GSDME: variants seen among roughly 807,000 people sequenced by gnomAD.
The protein encoded by GSDME is gasdermin-E.
Under a neutral mutation model 47.5 loss-of-function variants are expected in GSDME, and 44 were observed. The ratio of observed to expected loss-of-function variants is 0.93; its 90% CI spans 0.73 to 1.19. GSDME has a LOEUF of 1.19. Ranked by LOEUF, GSDME falls within the 50% of genes most tolerant of loss-of-function variation. The probability of loss-of-function intolerance (pLI) is 0.00; values close to 1 mark genes in which losing one functional copy is unlikely to be tolerated. For missense variants in GSDME, 663 were observed against 604.2 expected (o/e 1.10, Z -1.02); for synonymous variants, 258 against 252.8 (o/e 1.02, Z -0.20).
chr7:24,736,991 C>T lies in GSDME; in HGVS notation c.404+7571G>A, dbSNP rs1790326921. Among the ~76,000 whole-genome samples the T allele has an allele frequency of 1.3e-5, 2 of 151,966 alleles. No homozygotes were observed. Among genetic ancestry groups the T allele is most frequent in the South Asian group, 2.1e-4 (1 of 4,830 alleles). ...GATAACAGAAACACAACAGCAAAAC[C>T]TATGGGGTACATCAAAAGCAGTACT... On this transcript the variant is annotated intron_variant, in intron 3 of 9. Coordinates refer to ENST00000645220, the MANE Select transcript of GSDME (RefSeq NM_001127453.2). The surrounding 1 kb of genome is among the most constrained non-coding windows in gnomAD (Gnocchi z 4.6).
chr7:24,778,136 C>T, the GSDME span, among the ~76,000 whole-genome samples: 20 of 151,172 alleles, frequency 1.3e-4, no homozygotes, highest in Admixed American at 7.3e-4. The surrounding 1 kb of genome is among the most constrained non-coding windows in gnomAD (Gnocchi z 5.6). Flanking sequence ...TCTGTAGTGG[C>T]GTTAGAATGG....
intron 9 of GSDME, among the ~76,000 whole-genome samples, chr7:24,700,511 A>C (rs189912726): frequency 6.6e-6 from 1 of 152,336 alleles, no homozygotes. Context: ...TCTGAAGGGA[A>C]TCCAAAAGAA....
At chr7:24,752,994 T>G (rs1369191971) in intron 1 of GSDME, among the ~76,000 whole-genome samples, 2 of 144,964 alleles carry the variant, frequency 1.4e-5, no homozygotes, top group Non-Finnish European at 1.5e-5. Flanking sequence ...TTTTTCATGT[T>G]TTTTTTTTTT....
rs545925391 is a variant in GSDME at position 24,757,213 on chromosome 7, C to A, written c.-20+183G>T. ...AGGCGAGGGGAGCGACGGGACCTGCCGTTCCGGCGGCCGGGCAGCCAATCG... is the reference window on the plus strand; with the variant it reads ...AGGCGAGGGGAGCGACGGGACCTGCAGTTCCGGCGGCCGGGCAGCCAATCG... On this transcript the variant is annotated intron_variant, in intron 1 of 9. Coordinates refer to ENST00000645220, the MANE Select transcript of GSDME (RefSeq NM_001127453.2). This position sits in a 1 kb window ranked among gnomAD's most constrained non-coding sequence, Gnocchi z 5.9. Among the ~76,000 whole-genome samples the A allele has an allele frequency of 1.3e-5, 2 of 151,690 alleles. No individual in the cohort carries two copies. The highest frequency in any genetic ancestry group is 2.4e-5 in the African/African-American group (1 of 41,308).
intron 3 of GSDME, among the ~76,000 whole-genome samples, chr7:24,729,260 T>C (rs1230213812): frequency 1.3e-5 from 2 of 152,220 alleles, no homozygotes; most frequent in Admixed American, 6.5e-5. Context: ...TGCATAGAAG[T>C]TGGATCGGAA....
the GSDME span, among the ~76,000 whole-genome samples, chr7:24,763,170 G>A: frequency 3.3e-5 from 5 of 151,970 alleles, no homozygotes; most frequent in African/African-American, 4.8e-5. This position sits in a 1 kb window ranked among gnomAD's most constrained non-coding sequence, Gnocchi z 4.3. Flanking sequence ...ATCACATAGC[G>A]GCCATAACAT....
the GSDME span, among the ~76,000 whole-genome samples, chr7:24,775,697 A>T: frequency 1.3e-5 from 2 of 151,922 alleles, no homozygotes; most frequent in Admixed American, 1.3e-4. Context: ...CAACATGGTG[A>T]AACCCCGTCT....
the GSDME span, among the ~76,000 whole-genome samples, chr7:24,794,255 C>A: frequency 6.6e-6 from 1 of 150,910 alleles, no homozygotes; most frequent in South Asian, 2.1e-4. Flanking sequence ...TCTCTCTTTG[C>A]CTCTTTTCTT....
chr7:24,785,217 C>T, the GSDME span, among the ~76,000 whole-genome samples: 1 of 152,276 alleles, frequency 6.6e-6, no homozygotes, highest in South Asian at 2.1e-4. Context: ...TTCAGTGTAA[C>T]AGAGACCATG....
rs749383527 is a variant in GSDME, at chr7:24,744,645, G to A, written c.321C>T (p.Ser107=). 5.0e-6 allele frequency: 8 copies of A among 1,614,074 alleles called. No individual in the cohort carries two copies. Among genetic ancestry groups the A allele is most frequent in the South Asian group, 1.1e-5 (1 of 91,088 alleles). Residue 107 remains serine, a synonymous_variant, in exon 3 of 10, where the codon AGC becomes AGT. Coordinates refer to ENST00000645220, the MANE Select transcript of GSDME (RefSeq NM_001127453.2). The surrounding 1 kb of genome is among the most constrained non-coding windows in gnomAD (Gnocchi z 4.5). ...GKVKLNLGGS[S]RVESQSSFGT... is the part of the protein sequence containing the mutation. ...CAAATGAAGACTGGCTCTCTACGCG[G>A]CTGCTGCCCCCCAGGTTCAGCTTGA...
intron 2 of GSDME, among the ~76,000 whole-genome samples, chr7:24,748,162 A>ATTT (rs1237163749): frequency 5.1e-5 from 5 of 97,820 alleles, no homozygotes; most frequent in African/African-American, 3.1e-4. Context: ...ATATATATAT[A>ATTT]TATATATTTT....
At chr7:24,730,183 A>G (rs1461098288) in intron 3 of GSDME, among the ~76,000 whole-genome samples, 1 of 152,236 alleles carries the variant, frequency 6.6e-6, no homozygotes, top group Non-Finnish European at 1.5e-5. Context: ...GAACAGCCCA[A>G]GTGGAACAAA....
intron 9 of GSDME, 135 bp from the exon 10 acceptor site, chr7:24,699,394 G>A: frequency 1.4e-6 from 1 of 700,564 alleles, no homozygotes; most frequent in Non-Finnish European, 2.6e-6. Flanking sequence ...CCAGGCTGGA[G>A]TGCAGTGGCG....
rs1301439258 is a variant in GSDME, at chr7:24,698,800, T to C, written c.*226A>G. ...TCCCAGCTCTTTACATGCTGGAACCTAACTCAGATGCTGGGTCACCAGCAC... is the reference window on the plus strand; with the variant it reads ...TCCCAGCTCTTTACATGCTGGAACCCAACTCAGATGCTGGGTCACCAGCAC... On this transcript the variant is annotated 3_prime_UTR_variant, in exon 10 of 10. Transcript: ENST00000645220. 1.8e-6 allele frequency: 1 copy of C among 569,614 alleles called. No individual in the cohort carries two copies. The highest frequency in any genetic ancestry group is 2.9e-5 in the Admixed American group (1 of 34,642). 35.3% of individuals were successfully genotyped at this position (569,614 alleles called of 1,614,324 possible). A position where few individuals can be genotyped will look rare whatever the true frequency, so the allele number is the denominator to read the frequency against.
chr7:24,769,163 T>C, the GSDME span, among the ~76,000 whole-genome samples: 1 of 152,310 alleles, frequency 6.6e-6, no homozygotes, highest in East Asian at 1.9e-4. Context: ...AGAAAAACCA[T>C]TGTCTTGGAG....
rs982183746 is a variant in GSDME at position 24,744,338 on chromosome 7, T to A, written c.404+224A>T. On this transcript the variant is annotated intron_variant, in intron 3 of 9. Transcript: ENST00000645220. This position sits in a 1 kb window ranked among gnomAD's most constrained non-coding sequence, Gnocchi z 4.5. ...AAGTACATATTTGCCTGAAGTAACATCCTTTGAAAGTGCTTCCCAAGTCTC... is the reference window on the plus strand; with the variant it reads ...AAGTACATATTTGCCTGAAGTAACAACCTTTGAAAGTGCTTCCCAAGTCTC... The A allele has an allele frequency of 4.9e-5, 29 of 588,140 alleles. No individual in the cohort carries two copies. In the African/African-American group the frequency reaches 5.0e-4, roughly 10 times the overall value. The allele number at this position is 588,140 out of a possible 1,614,324, so 36.4% of individuals were successfully genotyped here.
the GSDME span, among the ~76,000 whole-genome samples, chr7:24,769,849 A>C: frequency 6.6e-6 from 1 of 152,244 alleles, no homozygotes; most frequent in Admixed American, 6.5e-5. Flanking sequence ...TCAGCCCAGG[A>C]ATTAAAAATT....
At chr7:24,715,543 G>A (rs2128052180) in intron 5 of GSDME, 1 of 469,260 alleles carries the variant, frequency 2.1e-6, no homozygotes, top group South Asian at 1.6e-5. Flanking sequence ...CAGTAAGACT[G>A]GACAGGACCA....
At chr7:24,758,697 A>G (rs1191360053), upstream of GSDME, among the ~76,000 whole-genome samples, 3 of 152,190 alleles carry the variant, frequency 2.0e-5, no homozygotes, top group Non-Finnish European at 4.4e-5. This position sits in a 1 kb window ranked among gnomAD's most constrained non-coding sequence, Gnocchi z 4.6. Context: ...ACCTCACTGT[A>G]AAGCCTTTCC....
Sources: allele counts gnomAD v4.1 joint callset (sites outside exome capture counted in the v4.1 genomes callset), GRCh38; gene constraint gnomAD v4.1.1; non-coding constraint Gnocchi (gnomAD v3.1); transcripts MANE v1.5; gene names NCBI Gene and HGNC (gene_info 2026-07-23, HGNC 2026-07-21).